Variants in NRF1 observed in about 807,000 individuals in gnomAD.
NRF1 encodes the protein nuclear respiratory factor 1.
NRF1 carries 5 observed loss-of-function variants against 58.5 expected under a neutral mutation model. That is an observed-to-expected ratio of 0.09 (90% CI 0.04 to 0.18). The LOEUF (loss-of-function observed/expected upper bound fraction) is 0.18, where lower values mean the gene tolerates loss of function less well. NRF1 is among the 10% of genes least tolerant of loss of function. The pLI is 1.00. For missense variants in NRF1, 288 were observed against 657.7 expected (o/e 0.44, Z 6.15); for synonymous variants, 224 against 246.7 (o/e 0.91, Z 0.86).
intron 1 of NRF1, among the ~76,000 whole-genome samples, chr7:129,622,231 CG>C (rs1800815520): frequency 6.6e-6 from 1 of 152,030 alleles, no homozygotes; most frequent in African/African-American, 2.4e-5. Flanking sequence ...TTAGCGTTTA[CG>C]AGCAGAAAAA....
intron 1 of NRF1, among the ~76,000 whole-genome samples, chr7:129,637,980 C>T (rs1458813153): frequency 1.3e-5 from 2 of 151,974 alleles, no homozygotes; most frequent in African/African-American, 2.4e-5. Context: ...GATTGGACAC[C>T]TCTGCTTTAA....
rs1802043057 is a variant in NRF1 at position 129,671,324 on chromosome 7, A to G, written c.224-105A>G. 4 of 632,868 alleles carry G rather than the reference A, an allele frequency of 6.3e-6. No individual in the cohort carries two copies. In the Admixed American group the frequency reaches 1.1e-4, roughly 18 times the overall value. 39.2% of individuals were successfully genotyped at this position (632,868 alleles called of 1,614,324 possible). A position where few individuals can be genotyped will look rare whatever the true frequency, so the allele number is the denominator to read the frequency against. On this transcript the variant is annotated intron_variant, in intron 2 of 10. Transcript: ENST00000393232. ...CAGGATCATTCTTTATTTACCGACA[A>G]CAATATTAGGAAAGCAGTGCTACCT...
intron 2 of NRF1, among the ~76,000 whole-genome samples, chr7:129,659,070 G>A (rs1187537105): frequency 8.4e-6 from 1 of 119,230 alleles, no homozygotes; most frequent in African/African-American, 3.5e-5. Flanking sequence ...AAACACCACA[G>A]GACTTTTTTT....
intron 1 of NRF1, among the ~76,000 whole-genome samples, chr7:129,645,483 C>T (rs905572630): frequency 3.3e-5 from 5 of 152,192 alleles, no homozygotes; most frequent in African/African-American, 1.2e-4. Context: ...ATCGCTCTTT[C>T]CCATGCTGGA....
intron 10 of NRF1, among the ~76,000 whole-genome samples, chr7:129,748,846 T>C (rs1161846172): frequency 6.6e-6 from 1 of 152,246 alleles, no homozygotes; most frequent in South Asian, 2.1e-4. Flanking sequence ...CACATATGTT[T>C]ATGTGTGTAA....
intron 5 of NRF1, among the ~76,000 whole-genome samples, chr7:129,700,637 G>A (rs972000635): frequency 6.6e-6 from 1 of 152,216 alleles, no homozygotes; most frequent in Admixed American, 6.5e-5. Flanking sequence ...ATATATATGG[G>A]CCAGATGTGG....
At chr7:129,736,103 C>T (rs567950591) in intron 10 of NRF1, among the ~76,000 whole-genome samples, 117 of 152,294 alleles carry the variant, frequency 7.7e-4, no homozygotes, top group African/African-American at 2.6e-3. Context: ...ACTATGCATT[C>T]CAACTGCCAA....
rs1554406205 is a variant in NRF1 at position 129,662,764 on chromosome 7, A to ATTTT, written c.223+5191_223+5194dup. Reference sequence around the variant, plus strand: ...GGTTTATTTATTTATTTATTTATTTATTTTAGTATTTATTGATCATTCTTG... The same window carrying ATTTT: ...GGTTTATTTATTTATTTATTTATTTATTTTTTTTAGTATTTATTGATCATTCTTG... On this transcript the variant is annotated intron_variant, in intron 2 of 10. Transcript: ENST00000393232. 2.0e-4 allele frequency among the ~76,000 whole-genome samples: 31 copies of ATTTT among 151,792 alleles called. 5 individuals carry two copies. The South Asian group carries it at 3.5e-3, about 17-fold the overall frequency.
chr7:129,688,417 G>A (rs1392471838), intron 4 of NRF1, among the ~76,000 whole-genome samples: 1 of 152,082 alleles, frequency 6.6e-6, no homozygotes, highest in South Asian at 2.1e-4. Context: ...GTGAGCCACT[G>A]CACACAGCCT....
Position 129,756,425 on chromosome 7 carries a change from A to T in NRF1, c.*1244A>T, listed in dbSNP as rs1360894688. 6.6e-6 allele frequency: 1 copy of T among 152,378 alleles called. No homozygotes were observed. Among genetic ancestry groups the T allele is most frequent in the Admixed American group, 6.5e-5 (1 of 15,286 alleles). 9.4% of individuals were successfully genotyped at this position (152,378 alleles called of 1,614,324 possible). On this transcript the variant is annotated 3_prime_UTR_variant, in exon 11 of 11. Transcript: ENST00000393232. Reference sequence around the variant, plus strand: ...TTCCTGGATCAGGCCCTGCTTCAGAAGGGACTCCTGGAGGCCCATGTTCCT... The same window carrying T: ...TTCCTGGATCAGGCCCTGCTTCAGATGGGACTCCTGGAGGCCCATGTTCCT...
chr7:129,660,236 C>T (rs1471258920), intron 2 of NRF1, among the ~76,000 whole-genome samples: 1 of 152,018 alleles, frequency 6.6e-6, no homozygotes, highest in African/African-American at 2.4e-5. Context: ...TATGAGAGTA[C>T]AATTCAAGAT....
chr7:129,745,420 C>T (rs556190813), intron 10 of NRF1, among the ~76,000 whole-genome samples: 1 of 152,116 alleles, frequency 6.6e-6, no homozygotes, highest in African/African-American at 2.4e-5. Flanking sequence ...AGATCATCAG[C>T]GGCATCAGAT....
chr7:129,755,000 T>G lies in NRF1; in HGVS notation c.1349-18T>G, dbSNP rs966460369. On this transcript the variant is annotated intron_variant, in intron 10 of 10. Transcript: ENST00000393232. Reference sequence around the variant, plus strand: ...TTGAGCCTGAGCCCCACCAACGGTCTTCTCTTTGTCTCTCCAGGCCTGGTC... The same window carrying G: ...TTGAGCCTGAGCCCCACCAACGGTCGTCTCTTTGTCTCTCCAGGCCTGGTC... The G allele has an allele frequency of 6.4e-7, 1 of 1,566,828 alleles. No individual in the cohort carries two copies. The highest frequency in any genetic ancestry group is 1.9e-5 in the Admixed American group (1 of 51,806).
In NRF1 at chr7:129,674,442, C is replaced by CT. The variant is rs1386151034; in HGVS notation, c.338+2908dup. 4.7e-3 allele frequency among the ~76,000 whole-genome samples: 708 copies of CT among 150,320 alleles called. 4 individuals are homozygous for CT. Among genetic ancestry groups the CT allele is most frequent in the African/African-American group, 0.016 (663 of 40,924 alleles). On this transcript the variant is annotated intron_variant, in intron 3 of 10. Transcript: ENST00000393232. ...ATGTACATACCGTAATTTTAAAATA[C>CT]TTTTTTTTTGGAGACAGAGTCTAGC... is the stretch of plus-strand genomic sequence containing the variant.
At chr7:129,750,653 A>C (rs1377997745) in intron 10 of NRF1, among the ~76,000 whole-genome samples, 1 of 152,204 alleles carries the variant, frequency 6.6e-6, no homozygotes, top group Admixed American at 6.5e-5. Context: ...TGTCCTCACC[A>C]GTTACTCATC....
intron 10 of NRF1, among the ~76,000 whole-genome samples, chr7:129,751,467 G>A (rs770968460): frequency 3.3e-5 from 5 of 152,180 alleles, no homozygotes; most frequent in African/African-American, 1.2e-4. Context: ...AAAATCTTCC[G>A]TGATACTATG....
rs1339136550 is a variant in NRF1 at position 129,741,547 on chromosome 7, A to G, written c.1349-13471A>G. Among the ~76,000 whole-genome samples, 3 of 152,156 alleles carry G rather than the reference A, an allele frequency of 2.0e-5. No homozygotes were observed. The highest frequency in any genetic ancestry group is 4.4e-5 in the Non-Finnish European group (3 of 68,034). On this transcript the variant is annotated intron_variant, in intron 10 of 10. Transcript: ENST00000393232. The surrounding 1 kb of genome is among the most constrained non-coding windows in gnomAD (Gnocchi z 4.0). ...GACAAGTTTAATTGGAGTCATTTCT[A>G]TTCAATACATGGATGGCAAAGTGGG...
chr7:129,695,669 G>T (rs1802675682), intron 5 of NRF1, among the ~76,000 whole-genome samples: 1 of 147,454 alleles, frequency 6.8e-6, no homozygotes, highest in African/African-American at 2.5e-5. Context: ...TCTTTCTTTT[G>T]GGAGATTTTT....
rs116375204 is a variant in NRF1 at position 129,685,148 on chromosome 7, A to G, written c.466-5258A>G. 4.5e-3 allele frequency among the ~76,000 whole-genome samples: 687 copies of G among 152,344 alleles called. 3 individuals are homozygous for G. The highest frequency in any genetic ancestry group is 0.016 in the African/African-American group (649 of 41,572). On this transcript the variant is annotated intron_variant, in intron 4 of 10. Transcript: ENST00000393232. Reference sequence around the variant, plus strand: ...AAATTTTTTTTATGAGACCTTCCCAAAGACTCTTCCTTTATCCAGTTAAGC... The same window carrying G: ...AAATTTTTTTTATGAGACCTTCCCAGAGACTCTTCCTTTATCCAGTTAAGC...
Sources: gnomAD v4.1 joint callset for allele counts (sites outside exome capture counted in the v4.1 genomes callset) on GRCh38, gnomAD v4.1.1 for gene constraint, Gnocchi (gnomAD v3.1) non-coding constraint, MANE v1.5 for transcripts, NCBI Gene and HGNC (gene_info 2026-07-23, HGNC 2026-07-21) for gene names.